Variants in BRWD1 observed in about 807,000 individuals in gnomAD.
BRWD1 encodes the protein bromodomain and WD repeat domain containing 1, also known as bromodomain and WD repeat-containing protein 1.
A neutral mutation model predicts 251.2 loss-of-function variants in BRWD1; 82 were observed. The ratio of observed to expected loss-of-function variants is 0.33; its 90% CI spans 0.27 to 0.39. The LOEUF is 0.39. Among genes scored for constraint, BRWD1 ranks in the 10% least tolerant of loss-of-function variants. BRWD1 has a pLI of 1.00. For missense variants in BRWD1, 2,233 were observed against 2,711.6 expected, an observed-to-expected ratio of 0.82 and a Z score of 3.92; for synonymous variants, 918 against 902.8, an observed-to-expected ratio of 1.02 and a Z score of -0.30.
Position 39,313,546 on chromosome 21 carries a change from G to T in BRWD1, c.-55C>A. ...AGCGAGCGAGCGGAGCGTGTAGGCC[G>T]CGCCGAGGCCTGACCGGGCTGGCGT... On this transcript the variant is annotated 5_prime_UTR_variant, in exon 1 of 41. Transcript: ENST00000342449. 1.5e-6 allele frequency: 2 copies of T among 1,290,726 alleles called. No homozygotes were observed. The highest frequency in any genetic ancestry group is 2.0e-6 in the Non-Finnish European group (2 of 1,019,476). The allele number at this position is 1,290,726 out of a possible 1,614,324, so 80.0% of individuals were successfully genotyped here.
chr21:39,195,176 G>A lies in BRWD1; in HGVS notation c.*1083C>T. On this transcript the variant is annotated 3_prime_UTR_variant, in exon 41 of 41. Coordinates refer to ENST00000342449, the MANE Select transcript of BRWD1 (RefSeq NM_033656.4). ...ACATTTAGTTGCCCCAGCAAAGAAT[G>A]CTTAGGATTGCACATGGAAGCAGTA... is the stretch of plus-strand genomic sequence containing the variant. 9.4e-7 allele frequency: 1 copy of A among 1,060,738 alleles called. No homozygotes were observed. The highest frequency in any genetic ancestry group is 1.1e-6 in the Non-Finnish European group (1 of 877,664). 65.7% of individuals were successfully genotyped at this position (1,060,738 alleles called of 1,614,324 possible).
chr21:39,305,762 G>A (rs1456950304), intron 4 of BRWD1, among the ~76,000 whole-genome samples: 2 of 151,790 alleles, frequency 1.3e-5, no homozygotes, highest in African/African-American at 4.8e-5. Context: ...ACTCAGGAGG[G>A]CTGAGGCAGG....
intron 31 of BRWD1, chr21:39,217,650 C>T (rs571240738): frequency 1.3e-5 from 2 of 153,834 alleles, no homozygotes; most frequent in African/African-American, 4.8e-5. Flanking sequence ...AAATGAAAAC[C>T]ACTGGAGAAA....
Position 39,235,895 on chromosome 21 carries a change from T to C in BRWD1, c.2766+700A>G, listed in dbSNP as rs1011601219. The C allele has an allele frequency of 4.1e-5, 7 of 172,284 alleles. No homozygotes were observed. In the South Asian group the frequency reaches 4.4e-4, roughly 11 times the overall value. The allele number at this position is 172,284 out of a possible 1,614,324, so 10.7% of individuals were successfully genotyped here. ...GAACCATGGCCACATCCCAAACCAC[T>C]GTGGCAATTCCCAGTTGTCTCCGGT... is the stretch of plus-strand genomic sequence containing the variant. On this transcript the variant is annotated intron_variant, in intron 23 of 40. Transcript: ENST00000342449.
intron 21 of BRWD1, among the ~76,000 whole-genome samples, chr21:39,240,074 C>A (rs1455409655): frequency 1.3e-5 from 2 of 151,484 alleles, no homozygotes; most frequent in Admixed American, 6.6e-5. Context: ...AACAAACAAA[C>A]AAAAAAATCA....
intron 33 of BRWD1, 112 bp from the exon 34 acceptor site, chr21:39,212,819 G>A (rs1210943182): frequency 1.4e-6 from 1 of 691,446 alleles, no homozygotes. Context: ...GTTATAACAT[G>A]TTATTATCAA....
Position 39,190,442 on chromosome 21 carries a change from C to G in BRWD1, c.*5817G>C. The G allele has an allele frequency of 1.0e-6, 1 of 985,342 alleles. No individual in the cohort carries two copies. Among genetic ancestry groups the G allele is most frequent in the South Asian group, 4.7e-5 (1 of 21,286 alleles). The allele number at this position is 985,342 out of a possible 1,614,324, so 61.0% of individuals were successfully genotyped here. On this transcript the variant is annotated 3_prime_UTR_variant, in exon 41 of 41. Transcript: ENST00000342449. ...AAAATGAAAACATACTAGCCTCTTTCATAAACTCCTAGAATCTTGACATTA... is the reference window on the plus strand; with the variant it reads ...AAAATGAAAACATACTAGCCTCTTTGATAAACTCCTAGAATCTTGACATTA...
rs2146627024 is a variant in BRWD1, at chr21:39,255,889, T to C, written c.2072-61A>G. 5.5e-6 allele frequency: 8 copies of C among 1,465,716 alleles called. No homozygotes were observed. In the East Asian group the frequency reaches 7.0e-5, roughly 13 times the overall value. 90.8% of individuals were successfully genotyped at this position (1,465,716 alleles called of 1,614,324 possible). Reference sequence around the variant, plus strand: ...CTTTTAAACTAATATACATTTAGCATGTAACAAGCACACGTTCACCTAAGA... The same window carrying C: ...CTTTTAAACTAATATACATTTAGCACGTAACAAGCACACGTTCACCTAAGA... On this transcript the variant is annotated intron_variant, in intron 18 of 40. Transcript: ENST00000342449.
intron 17 of BRWD1, among the ~76,000 whole-genome samples, chr21:39,261,653 A>G (rs2034750802): frequency 6.6e-6 from 1 of 152,196 alleles, no homozygotes; most frequent in African/African-American, 2.4e-5. Context: ...GGGTCTGCAA[A>G]CCACACATTG....
Position 39,186,230 on chromosome 21 carries a change from C to T in BRWD1, c.*10029G>A, listed in dbSNP as rs1206712278. The T allele has an allele frequency of 6.6e-6, 1 of 152,094 alleles. No homozygotes were observed. Among genetic ancestry groups the T allele is most frequent in the Non-Finnish European group, 1.5e-5 (1 of 67,992 alleles). The allele number at this position is 152,094 out of a possible 1,614,324, so 9.4% of individuals were successfully genotyped here. A position where few individuals can be genotyped will look rare whatever the true frequency, so the allele number is the denominator to read the frequency against. ...TTAATGAGGCACATTTTTGGCATTT[C>T]TGTAAATGCTGCTACATACAAGTAA... On this transcript the variant is annotated 3_prime_UTR_variant, in exon 41 of 41. Transcript: ENST00000342449.
chr21:39,313,951 G>A (rs947981162), upstream of BRWD1: 15 of 347,396 alleles, frequency 4.3e-5, no homozygotes, highest in Admixed American at 2.7e-4. Context: ...GGTGCCGGGG[G>A]CGGAAGCGCG....
At position 39,186,818 on chromosome 21, in the gene BRWD1, ACT is replaced by A. The variant is rs1044397605; in HGVS notation, c.*9439_*9440del. On this transcript the variant is annotated 3_prime_UTR_variant, in exon 41 of 41. Transcript: ENST00000342449. ...TTTCTTTCCACCTCTCCACCTACAG[ACT>A]CTGCAATTTATTTCCTCCTCAGAAT... The A allele has an allele frequency of 5.5e-6, 4 of 732,716 alleles. No individual in the cohort carries two copies. The highest frequency in any genetic ancestry group is 3.4e-5 in the East Asian group (1 of 29,454). 45.4% of individuals were successfully genotyped at this position (732,716 alleles called of 1,614,324 possible).
At chr21:39,228,800 ATTT>A (rs2033489164) in intron 26 of BRWD1, among the ~76,000 whole-genome samples, 1 of 152,070 alleles carries the variant, frequency 6.6e-6, no homozygotes. Context: ...GATCTGACAT[ATTT>A]TTTCTTCATA....
In BRWD1 at chr21:39,202,491, T is replaced by C; in HGVS notation, c.4419A>G (p.Val1473=). 2 of 1,613,900 alleles carry C rather than the reference T, an allele frequency of 1.2e-6. No homozygotes were observed. Among genetic ancestry groups the C allele is most frequent in the African/African-American group, 1.3e-5 (1 of 75,072 alleles). Residue 1473 remains valine, a synonymous_variant, in exon 38 of 41, where the codon GTA becomes GTG. Transcript: ENST00000342449. ...KSQTKIIPEL[V]GSPTQSTSSR... The stretch of plus-strand genomic sequence containing the variant: ...TTGAGGTAGACTGGGTAGGAGAACC[T>C]ACCAACTCAGGAATTATTTTTGTCT...
Position 39,218,245 on chromosome 21 carries a change from A to G in BRWD1, c.3566T>C (p.Val1189Ala). The change falls in exon 31 of 41, where the codon GTT becomes GCT. Residue 1189 changes from valine (V) to alanine (A), a missense_variant. Coordinates refer to ENST00000342449, the MANE Select transcript of BRWD1 (RefSeq NM_033656.4). Reference protein sequence around the residue: ...LDIAAAFAGPVDLCTYPKYCT... With the variant: ...LDIAAAFAGPADLCTYPKYCT... ...GTACTTCGGGTATGTACACAAATCA[A>G]CAGGGCCTGCAAAAGCTGCTGCTAT... 1 of 1,610,066 alleles carries G rather than the reference A, an allele frequency of 6.2e-7. No individual in the cohort carries two copies. Among genetic ancestry groups the G allele is most frequent in the Non-Finnish European group, 8.5e-7 (1 of 1,179,104 alleles).
chr21:39,268,999 A>AAAAAG (rs1377575589), intron 15 of BRWD1, among the ~76,000 whole-genome samples: 2 of 152,040 alleles, frequency 1.3e-5, no homozygotes, highest in Admixed American at 1.3e-4. Context: ...AAAAGAAAAG[A>AAAAAG]AAAAGAAAAG....
rs545803213 is a variant in BRWD1 at position 39,313,199 on chromosome 21, T to C, written c.108+42A>G. On this transcript the variant is annotated intron_variant, in intron 2 of 40. Transcript: ENST00000342449. ...CCGCGACCCCCGGCGGCGGGGACACTGGGGACGCCAAGTCCGCAGCCGCCC... is the reference window on the plus strand; with the variant it reads ...CCGCGACCCCCGGCGGCGGGGACACCGGGGACGCCAAGTCCGCAGCCGCCC... 1,159 of 1,516,356 alleles carry C rather than the reference T, an allele frequency of 7.6e-4. 14 individuals carry two copies. In the Admixed American group the frequency reaches 0.02, roughly 26 times the overall value. The allele number at this position is 1,516,356 out of a possible 1,614,324, so 93.9% of individuals were successfully genotyped here. A position where few individuals can be genotyped will look rare whatever the true frequency, so the allele number is the denominator to read the frequency against.
intron 11 of BRWD1, among the ~76,000 whole-genome samples, chr21:39,276,763 C>T (rs1016160242): frequency 2.0e-4 from 31 of 152,220 alleles, no homozygotes; most frequent in African/African-American, 7.2e-4. Flanking sequence ...GTTAGATAAA[C>T]AGGCTCACTT....
At chr21:39,317,408 C>T (rs1344114300), upstream of BRWD1, among the ~76,000 whole-genome samples, 1 of 152,188 alleles carries the variant, frequency 6.6e-6, no homozygotes, top group African/African-American at 2.4e-5. Flanking sequence ...ACATCTTATG[C>T]CGTGGCAAGC....
Sources: gnomAD v4.1 joint callset for allele counts (sites outside exome capture counted in the v4.1 genomes callset) on GRCh38, gnomAD v4.1.1 for gene constraint, MANE v1.5 for transcripts, NCBI Gene and HGNC (gene_info 2026-07-23, HGNC 2026-07-21) for gene names.